GLYCTK: variants seen among roughly 807,000 people sequenced by gnomAD.
GLYCTK encodes the protein HBeAg binding protein 4.
Under a neutral mutation model 24.8 loss-of-function variants are expected in GLYCTK, and 22 were observed. The ratio of observed to expected loss-of-function variants is 0.89; its 90% CI spans 0.63 to 1.27. The LOEUF (loss-of-function observed/expected upper bound fraction) is 1.27. Among genes scored for constraint, GLYCTK ranks in the 50% most tolerant of loss-of-function variants. GLYCTK has a pLI of 0.00. For missense variants in GLYCTK, 684 were observed against 686.7 expected (o/e 1.00, Z 0.04); for synonymous variants, 320 against 297.2 (o/e 1.08, Z -0.79).
In GLYCTK at chr3:52,292,710, C is replaced by T; in HGVS notation, c.1156C>T (p.Leu386=). Residue 386 remains leucine (L), a synonymous_variant, in exon 5 of 5, where the codon CTG becomes TTG. Coordinates refer to ENST00000436784, the MANE Select transcript of GLYCTK (RefSeq NM_145262.4). ...ELAAELQIPD[L]QLEEALETMA... The stretch of plus-strand genomic sequence containing the variant: ...GGCAGCTGAGCTTCAGATCCCAGAC[C>T]TGCAGCTGGAGGAGGCTCTGGAGAC... 6.2e-7 allele frequency: 1 copy of T among 1,609,082 alleles called. No homozygotes were observed. The highest frequency in any genetic ancestry group is 8.5e-7 in the Non-Finnish European group (1 of 1,176,918).
rs746239080 is a variant in GLYCTK at position 52,290,711 on chromosome 3, C to T, written c.369C>T (p.Ala123=). The T allele has an allele frequency of 1.4e-5, 22 of 1,610,762 alleles. No homozygotes were observed. Among genetic ancestry groups the T allele is most frequent in the African/African-American group, 2.7e-5 (2 of 74,860 alleles). The part of the protein sequence containing the change: ...PKGIRAAMER[A]GKQEMLLKPH... ...GGATCCGTGCTGCCATGGAGCGTGC[C>T]GGCAAGCAGTAAGGAGCCATGGGGG... Residue 123 remains alanine, a synonymous_variant, in exon 2 of 5, where the codon GCC becomes GCT. Transcript: ENST00000436784.
At position 52,294,316 on chromosome 3, in the gene GLYCTK, C is replaced by T. The variant is rs1284069064; in HGVS notation, c.*1190C>T. ...TAGAGAACAGCGAGGCCTGGGGCTG[C>T]TCTTGCAGGCACTTCTTCCACCCCA... On this transcript the variant is annotated 3_prime_UTR_variant, in exon 5 of 5. Transcript: ENST00000436784. 1.9e-6 allele frequency: 1 copy of T among 534,624 alleles called. No homozygotes were observed. The highest frequency in any genetic ancestry group is 1.4e-5 in the South Asian group (1 of 71,590). 33.1% of individuals were successfully genotyped at this position (534,624 alleles called of 1,614,324 possible).
Position 52,293,026 on chromosome 3 carries a change from C to T in GLYCTK, c.1472C>T (p.Thr491Ile). The change falls in exon 5 of 5, where the codon ACC becomes ATC. Residue 491 changes from threonine (T) to isoleucine (I), a missense_variant. Thr to Ile is a moderately conservative substitution (Grantham distance 89). Coordinates refer to ENST00000436784, the MANE Select transcript of GLYCTK (RefSeq NM_145262.4). ...TTCCTAGCCCACAATGACTCACATA[C>T]CTTCTTCTGCTGCCTCCAGGGTGGG... ...ATFLAHNDSHTFFCCLQGGAH... is the reference protein window; with the variant it reads ...ATFLAHNDSHIFFCCLQGGAH... 5 of 1,614,180 alleles carry T rather than the reference C, an allele frequency of 3.1e-6. No individual in the cohort carries two copies. Among genetic ancestry groups the T allele is most frequent in the Non-Finnish European group, 4.2e-6 (5 of 1,180,026 alleles).
At chr3:52,291,948 A>G (rs1220854955) in intron 4 of GLYCTK, 26 bp downstream of exon 4, 1 of 1,604,004 alleles carries the variant, frequency 6.2e-7, no homozygotes, top group African/African-American at 1.3e-5. Context: ...TCCCCAGGCA[A>G]CCTTGGGTTG....
chr3:52,290,617 G>GT lies in GLYCTK; in HGVS notation c.276dup (p.Met93TyrfsTer6). ...GTGGGCTTTGGCAAGGCTGTGCTGGGTATGGCAGCTGCAGCTGAGGAACTA... is the reference window on the plus strand; with the variant it reads ...GTGGGCTTTGGCAAGGCTGTGCTGGGTTATGGCAGCTGCAGCTGAGGAACTA... On this transcript the variant is annotated frameshift_variant, in exon 2 of 5. Transcript: ENST00000436784. LOFTEE classifies it high-confidence loss of function. 1 of 1,613,754 alleles carries GT rather than the reference G, an allele frequency of 6.2e-7. No homozygotes were observed. The highest frequency in any genetic ancestry group is 1.3e-5 in the African/African-American group (1 of 75,066).
intron 1 of GLYCTK, 64 bp from the exon 2 acceptor site, chr3:52,290,240 G>T: frequency 2.2e-6 from 3 of 1,387,158 alleles, no homozygotes; most frequent in Non-Finnish European, 2.9e-6. Context: ...CCTCAGAGGG[G>T]CGGCCGTGGG....
intron 1 of GLYCTK, 130 bp from the exon 2 acceptor site, chr3:52,290,174 G>A (rs1307255870): frequency 1.4e-6 from 1 of 729,864 alleles, no homozygotes; most frequent in Non-Finnish European, 2.2e-6. Context: ...AGTCTCCTGG[G>A]GCTATCAGAT....
chr3:52,290,511 C>A lies in GLYCTK; in HGVS notation c.169C>A (p.Arg57=), dbSNP rs1208554677. The A allele has an allele frequency of 2.5e-6, 4 of 1,613,344 alleles. No homozygotes were observed. Among genetic ancestry groups the A allele is most frequent in the African/African-American group, 1.3e-5 (1 of 74,918 alleles). Reference sequence around the variant, plus strand: ...AGTGCTGCCGGGCCCCATGCTGCACCGGGCACTATCCTTGGACCCTGGTGG... The same window carrying A: ...AGTGCTGCCGGGCCCCATGCTGCACAGGGCACTATCCTTGGACCCTGGTGG... The part of the protein sequence containing the change: ...GAVLPGPMLH[R]ALSLDPGGRQ... The change falls in exon 2 of 5, where the codon CGG becomes AGG. Residue 57 remains arginine (R), a synonymous_variant. Transcript: ENST00000436784.
rs1190845109 is a variant in GLYCTK at position 52,294,823 on chromosome 3, G to T, written c.*1697G>T. 1 of 454,074 alleles carries T rather than the reference G, an allele frequency of 2.2e-6. No individual in the cohort carries two copies. Among genetic ancestry groups the T allele is most frequent in the East Asian group, 6.9e-5 (1 of 14,394 alleles). The allele number at this position is 454,074 out of a possible 1,614,324, so 28.1% of individuals were successfully genotyped here. On this transcript the variant is annotated 3_prime_UTR_variant, in exon 5 of 5. Transcript: ENST00000436784. ...GGGGCAGGGGCTGCAGGAGCTGAGG[G>T]CCTGGCAGCCATGTCCCCAGTGTGT...
Position 52,294,688 on chromosome 3 carries a change from T to C in GLYCTK, c.*1562T>C, listed in dbSNP as rs980496194. On this transcript the variant is annotated 3_prime_UTR_variant, in exon 5 of 5. Transcript: ENST00000436784. ...CTCGCATGATCCTGTGCCGTGGTGC[T>C]CCTCTGGCAGCGTCTACATGTAGCC... 2.3e-6 allele frequency: 1 copy of C among 440,752 alleles called. No individual in the cohort carries two copies. The highest frequency in any genetic ancestry group is 2.4e-5 in the Admixed American group (1 of 41,906). 27.3% of individuals were successfully genotyped at this position (440,752 alleles called of 1,614,324 possible). A position where few individuals can be genotyped will look rare whatever the true frequency, so the allele number is the denominator to read the frequency against.
rs551924797 is a variant in GLYCTK at position 52,294,168 on chromosome 3, G to T, written c.*1042G>T. 1.9e-6 allele frequency: 1 copy of T among 533,434 alleles called. No individual in the cohort carries two copies. Among genetic ancestry groups the T allele is most frequent in the East Asian group, 5.4e-5 (1 of 18,354 alleles). The allele number at this position is 533,434 out of a possible 1,614,324, so 33.0% of individuals were successfully genotyped here. ...TGGGTTGAGAGAGGGAGGTGCCACT[G>T]TCCTGCCTCCTTTTGAGCCCCCTTG... On this transcript the variant is annotated 3_prime_UTR_variant, in exon 5 of 5. Coordinates refer to ENST00000436784, the MANE Select transcript of GLYCTK (RefSeq NM_145262.4).
At chr3:52,291,994 G>A in intron 4 of GLYCTK, 72 bp downstream of exon 4, 1 of 1,456,912 alleles carries the variant, frequency 6.9e-7, no homozygotes, top group Non-Finnish European at 9.5e-7. Context: ...GGATGTGAAA[G>A]CTAGAACAGC....
Position 52,292,898 on chromosome 3 carries a change from C to T in GLYCTK, c.1344C>T (p.Ser448=), listed in dbSNP as rs779829581. 16 of 1,613,998 alleles carry T rather than the reference C, an allele frequency of 9.9e-6. No individual in the cohort carries two copies. The highest frequency in any genetic ancestry group is 1.3e-5 in the Non-Finnish European group (15 of 1,180,016). ...GGCCGATAGATGTGCTGTTTTTGAG[C>T]GGTGGCACCGATGGGCAGGATGGGC... ...PLGPIDVLFL[S]GGTDGQDGPT... The change falls in exon 5 of 5, where the codon AGC becomes AGT. Residue 448 remains serine, a synonymous_variant. Coordinates refer to ENST00000436784, the MANE Select transcript of GLYCTK (RefSeq NM_145262.4).
At chr3:52,291,376 T>TC in intron 3 of GLYCTK, 1 of 590,470 alleles carries the variant, frequency 1.7e-6, no homozygotes, top group East Asian at 2.8e-5. Context: ...GCCTGACACA[T>TC]CCGTAGAGTC....
In GLYCTK at chr3:52,295,096, G is replaced by A. The variant is rs1284128724; in HGVS notation, c.*1970G>A. Reference sequence around the variant, plus strand: ...GGATTGGACCCCATAGGGCCAAATGGTCTGTGAGCCTAACCCGTTAGATTT... The same window carrying A: ...GGATTGGACCCCATAGGGCCAAATGATCTGTGAGCCTAACCCGTTAGATTT... On this transcript the variant is annotated 3_prime_UTR_variant, in exon 5 of 5. Transcript: ENST00000436784. 2.2e-6 allele frequency: 1 copy of A among 454,100 alleles called. No homozygotes were observed. The highest frequency in any genetic ancestry group is 1.6e-5 in the South Asian group (1 of 64,476). 28.1% of individuals were successfully genotyped at this position (454,100 alleles called of 1,614,324 possible). A position where few individuals can be genotyped will look rare whatever the true frequency, so the allele number is the denominator to read the frequency against.
At position 52,292,279 on chromosome 3, in the gene GLYCTK, C is replaced by T. The variant is rs1700493971; in HGVS notation, c.725C>T (p.Ser242Leu). ...CCCCAGGTGGTGAGCCTCATCCTGTCAGATGTGGTGGGGGACCCTGTGGAG... is the reference window on the plus strand; with the variant it reads ...CCCCAGGTGGTGAGCCTCATCCTGTTAGATGTGGTGGGGGACCCTGTGGAG... ...YPAQVVSLIL[S>L]DVVGDPVEVI... The change falls in exon 5 of 5, where the codon TCA becomes TTA. Residue 242 changes from serine to leucine, a missense_variant. By Grantham distance (145) the Ser-to-Leu change is moderately radical. Transcript: ENST00000436784. 2 of 1,613,848 alleles carry T rather than the reference C, an allele frequency of 1.2e-6. No homozygotes were observed. The highest frequency in any genetic ancestry group is 8.5e-7 in the Non-Finnish European group (1 of 1,179,972).
Position 52,291,830 on chromosome 3 carries a change from C to T in GLYCTK, c.613C>T (p.Arg205Cys), listed in dbSNP as rs377754882. The T allele has an allele frequency of 6.8e-6, 11 of 1,613,882 alleles. No homozygotes were observed. The highest frequency in any genetic ancestry group is 6.7e-5 in the East Asian group (3 of 44,860). ...KQTLTRLLAA[R>C]GATIQELNTI... The stretch of plus-strand genomic sequence containing the variant: ...GACACTCACTAGACTGCTGGCAGCC[C>T]GTGGAGCCACCATCCAGGAGTTGAA... Residue 205 changes from arginine (R) to cysteine (C), a missense_variant, in exon 4 of 5, where the codon CGT (arginine) becomes TGT (cysteine). Transcript: ENST00000436784.
At position 52,292,778 on chromosome 3, in the gene GLYCTK, C is replaced by A; in HGVS notation, c.1224C>A (p.Gly408=). The A allele has an allele frequency of 6.2e-7, 1 of 1,606,414 alleles. No individual in the cohort carries two copies. Among genetic ancestry groups the A allele is most frequent in the Admixed American group, 1.7e-5 (1 of 59,746 alleles). The part of the protein sequence containing the change: ...GRGPVCLLAG[G]EPTVQLQGSG... ...GCCCAGTCTGCCTGCTGGCTGGTGG[C>A]GAGCCCACAGTACAGCTGCAGGGCT... Residue 408 remains glycine, a synonymous_variant, in exon 5 of 5, where the codon GGC becomes GGA. Transcript: ENST00000436784.
intron 1 of GLYCTK, chr3:52,289,144 A>C (rs115043385): frequency 6.6e-6 from 1 of 152,206 alleles, no homozygotes; most frequent in Non-Finnish European, 1.5e-5. Flanking sequence ...CAGAAAGCCT[A>C]TAGTAGAGCT....
Sources: allele counts gnomAD v4.1 joint callset, GRCh38; gene constraint gnomAD v4.1.1; transcripts MANE v1.5; gene names NCBI Gene and HGNC (gene_info 2026-07-23, HGNC 2026-07-21).